The following GYPE variants were observed in gnomAD, a reference collection of about 807,000 sequenced individuals.
GYPE encodes the protein glycophorin E (MNS blood group).
In GYPE, 8 loss-of-function variants were observed where a neutral mutation model predicts 11.6. The ratio of observed to expected loss-of-function variants is 0.69; its 90% CI spans 0.41 to 1.25. GYPE has a LOEUF of 1.25. GYPE is among the 50% of genes most tolerant of loss of function. The pLI is 0.01. For missense variants in GYPE, 90 were observed against 92.8 expected, an observed-to-expected ratio of 0.97 and a Z score of 0.12; for synonymous variants, 28 against 29.6, an observed-to-expected ratio of 0.94 and a Z score of 0.18.
chr4:143,894,304 T>G (rs1386592018), intron 1 of GYPE, among the ~76,000 whole-genome samples: 7 of 152,192 alleles, frequency 4.6e-5, no homozygotes, highest in Non-Finnish European at 1.0e-4. Context: ...CCTTCTTCTC[T>G]CAATTCGTCA....
At chr4:143,889,849 A>G (rs1324349476) in intron 1 of GYPE, among the ~76,000 whole-genome samples, 1 of 152,144 alleles carries the variant, frequency 6.6e-6, no homozygotes, top group African/African-American at 2.4e-5. Flanking sequence ...TTTGTGGAGG[A>G]GGAAAAAAAA....
chr4:143,875,435 T>G, intron 3 of GYPE: 4 of 1,549,962 alleles, frequency 2.6e-6, no homozygotes, highest in Non-Finnish European at 3.5e-6. Context: ...TGCAGCCAGT[T>G]TGCATAAGCA....
chr4:143,897,326 A>C (rs922688405), intron 1 of GYPE, among the ~76,000 whole-genome samples: 3 of 151,924 alleles, frequency 2.0e-5, no homozygotes, highest in African/African-American at 4.8e-5. Context: ...AAAATTAGTC[A>C]GGTGTGGTTG....
chr4:143,872,671 C>A (rs186560809), intron 3 of GYPE, among the ~76,000 whole-genome samples: 56 of 151,992 alleles, frequency 3.7e-4, no homozygotes, highest in African/African-American at 9.9e-4. Flanking sequence ...GAGGATACAT[C>A]GTAAACAAAG....
chr4:143,901,718 T>C (rs1049181091), intron 1 of GYPE, among the ~76,000 whole-genome samples: 19 of 152,118 alleles, frequency 1.2e-4, no homozygotes, highest in African/African-American at 4.3e-4. Context: ...TGGGGGAAAT[T>C]CCTCAAAAGT....
chr4:143,876,070 T>C (rs1341856206), intron 3 of GYPE, among the ~76,000 whole-genome samples: 2 of 152,030 alleles, frequency 1.3e-5, no homozygotes, highest in Admixed American at 6.5e-5. Context: ...TTGCAAAATA[T>C]GTGAGAATTA....
At chr4:143,889,706 T>C in intron 1 of GYPE, among the ~76,000 whole-genome samples, 1 of 152,174 alleles carries the variant, frequency 6.6e-6, no homozygotes, top group Non-Finnish European at 1.5e-5. Flanking sequence ...CATTCATGAA[T>C]CATGGAAATC....
At chr4:143,898,753 G>C (rs573318315) in intron 1 of GYPE, among the ~76,000 whole-genome samples, 10 of 152,214 alleles carry the variant, frequency 6.6e-5, no homozygotes, top group South Asian at 2.1e-4. Flanking sequence ...ATTTTATTAG[G>C]CATTCCCATA....
At position 143,902,497 on chromosome 4, in the gene GYPE, C is replaced by T. The variant is rs182837740; in HGVS notation, c.37+2974G>A. Among the ~76,000 whole-genome samples the T allele has an allele frequency of 4.9e-4, 75 of 152,036 alleles. 1 individual carries two copies. In the East Asian group the frequency reaches 0.012, roughly 24 times the overall value. Reference sequence around the variant, plus strand: ...CTAACCAGATGAAAACAAATATTTCCTCTTTCCTTTCCTCCTCCCCTTCCT... The same window carrying T: ...CTAACCAGATGAAAACAAATATTTCTTCTTTCCTTTCCTCCTCCCCTTCCT... On this transcript the variant is annotated intron_variant, in intron 1 of 3. Coordinates refer to ENST00000358615, the MANE Select transcript of GYPE (RefSeq NM_198682.3).
Position 143,876,835 on chromosome 4 carries a change from A to C in GYPE, c.157T>G (p.Trp53Gly). Reference protein sequence around the residue: ...QTNGITLINWWAMARVIFEVM... With the variant: ...QTNGITLINWGAMARVIFEVM... The stretch of plus-strand genomic sequence containing the variant: ...TCAAAAATAACACGAGCCATCGCCC[A>C]CCAATTAATGAGTGTTATCCCTACA... The change falls in exon 3 of 4, where the codon TGG becomes GGG. Residue 53 changes from tryptophan (W) to glycine (G), a missense_variant. By Grantham distance (184) the Trp-to-Gly change is radical (BLOSUM62 -2). Coordinates refer to ENST00000358615, the MANE Select transcript of GYPE (RefSeq NM_198682.3). The C allele has an allele frequency of 6.2e-7, 1 of 1,608,270 alleles. No individual in the cohort carries two copies. Among genetic ancestry groups the C allele is most frequent in the Non-Finnish European group, 8.5e-7 (1 of 1,175,256 alleles).
At chr4:143,889,639 C>G (rs1335635524) in intron 1 of GYPE, among the ~76,000 whole-genome samples, 1 of 152,218 alleles carries the variant, frequency 6.6e-6, no homozygotes, top group African/African-American at 2.4e-5. Flanking sequence ...GCAACTGGGA[C>G]TATAGGTGCG....
chr4:143,899,328 A>G (rs1744776901), intron 1 of GYPE, among the ~76,000 whole-genome samples: 1 of 152,164 alleles, frequency 6.6e-6, no homozygotes, highest in Non-Finnish European at 1.5e-5. Context: ...TGATTCCTCT[A>G]GCAACTACCT....
intron 1 of GYPE, among the ~76,000 whole-genome samples, chr4:143,903,569 T>C (rs1399089130): frequency 6.8e-6 from 1 of 147,798 alleles, no homozygotes; most frequent in African/African-American, 2.5e-5. Context: ...GACTTCACCA[T>C]GTTTAGTCTT....
chr4:143,897,046 T>C (rs369866400), intron 1 of GYPE, among the ~76,000 whole-genome samples: 8 of 152,180 alleles, frequency 5.3e-5, no homozygotes, highest in South Asian at 2.1e-4. Flanking sequence ...TTAAGAGATA[T>C]ACCTAATGCT....
At chr4:143,902,346 A>G (rs972022837) in intron 1 of GYPE, among the ~76,000 whole-genome samples, 2 of 151,652 alleles carry the variant, frequency 1.3e-5, no homozygotes, top group Non-Finnish European at 2.9e-5. Flanking sequence ...CCCTGAAAAA[A>G]AAAAAAAAAA....
chr4:143,902,306 T>C (rs1437213448), intron 1 of GYPE, among the ~76,000 whole-genome samples: 1 of 137,016 alleles, frequency 7.3e-6, no homozygotes, highest in Non-Finnish European at 1.6e-5. Context: ...GCCAATTAAA[T>C]AGACAGCTAG....
intron 3 of GYPE, chr4:143,873,600 G>A (rs1205837675): frequency 8.4e-6 from 3 of 358,276 alleles, no homozygotes; most frequent in South Asian, 2.3e-5. Flanking sequence ...ATCTGGAAGA[G>A]ACCCAGATAG....
intron 3 of GYPE, chr4:143,873,252 C>A (rs200281539): frequency 2.7e-5 from 8 of 293,368 alleles, no homozygotes. Flanking sequence ...TTATGCTTTG[C>A]TAGGCCTAGA....
At chr4:143,904,372 A>C (rs1744981080) in intron 1 of GYPE, among the ~76,000 whole-genome samples, 1 of 152,142 alleles carries the variant, frequency 6.6e-6, no homozygotes, top group Non-Finnish European at 1.5e-5. Context: ...AATTATTATA[A>C]GGCAAGTGCC....
Sources: gnomAD v4.1 joint callset for allele counts (sites outside exome capture counted in the v4.1 genomes callset) on GRCh38, gnomAD v4.1.1 for gene constraint, MANE v1.5 for transcripts, NCBI Gene and HGNC (gene_info 2026-07-23, HGNC 2026-07-21) for gene names.